Variants in INPP4B observed in about 807,000 individuals in gnomAD.
The protein encoded by INPP4B is inositol polyphosphate-4-phosphatase type II B.
In INPP4B, 55 loss-of-function variants were observed where a neutral mutation model predicts 122.5. The observed-to-expected ratio is 0.45, with a 90% CI of 0.36 to 0.56. The LOEUF is 0.56. Among genes scored for constraint, INPP4B ranks in the 20% least tolerant of loss-of-function variants. The pLI is 0.00. For missense variants in INPP4B, 1,000 were observed against 1,097.7 expected, an observed-to-expected ratio of 0.91 and a Z score of 1.26; for synonymous variants, 403 against 388.7, an observed-to-expected ratio of 1.04 and a Z score of -0.43.
chr4:142,656,214 T>C (rs1276064355), intron 2 of INPP4B, among the ~76,000 whole-genome samples: 1 of 152,130 alleles, frequency 6.6e-6, no homozygotes, highest in African/African-American at 2.4e-5. Flanking sequence ...TTTGCCCACT[T>C]TTCTCCATTC....
intron 7 of INPP4B, among the ~76,000 whole-genome samples, chr4:142,360,738 C>T (rs1298431542): frequency 1.3e-5 from 2 of 151,802 alleles, no homozygotes; most frequent in African/African-American, 4.8e-5. Context: ...GTTATGGTGA[C>T]TACAATGATG....
At chr4:142,657,394 TG>T (rs1754355194) in intron 2 of INPP4B, among the ~76,000 whole-genome samples, 1 of 152,196 alleles carries the variant, frequency 6.6e-6, no homozygotes, top group South Asian at 2.1e-4. Context: ...TGGTAAGGTG[TG>T]GACATATGGA....
chr4:142,301,668 A>G (rs17015870), intron 9 of INPP4B, among the ~76,000 whole-genome samples: 19,485 of 152,142 alleles, frequency 0.13, 2,571 homozygotes, highest in African/African-American at 0.33. Flanking sequence ...ATGGGAAAAT[A>G]TTAACTCTAC....
At chr4:142,388,918 C>G (rs998797648) in intron 7 of INPP4B, among the ~76,000 whole-genome samples, 1 of 152,064 alleles carries the variant, frequency 6.6e-6, no homozygotes, top group African/African-American at 2.4e-5. Context: ...TTTCCTAAGC[C>G]TGTGTTTCCA....
At position 142,606,263 on chromosome 4, in the gene INPP4B, G is replaced by T. The variant is rs556447365; in HGVS notation, c.-191+119576C>A. On this transcript the variant is annotated intron_variant, in intron 2 of 25. Coordinates refer to ENST00000262992, the MANE Select transcript of INPP4B (RefSeq NM_001101669.3). ...TCAGAGACTGGGAAGGGTGGGGAAG[G>T]GATATATGAAGGGAGGTCAGTTATG... 3.3e-5 allele frequency among the ~76,000 whole-genome samples: 5 copies of T among 151,836 alleles called. No individual in the cohort carries two copies. The South Asian group carries it at 1.0e-3, about 32-fold the overall frequency.
At position 142,202,878 on chromosome 4, in the gene INPP4B, G is replaced by A. The variant is rs1012409586; in HGVS notation, c.1072+5547C>T. 3.8e-5 allele frequency: 21 copies of A among 558,328 alleles called. No individual in the cohort carries two copies. In the African/African-American group the frequency reaches 4.1e-4, roughly 11 times the overall value. 34.6% of individuals were successfully genotyped at this position (558,328 alleles called of 1,614,324 possible). A position where few individuals can be genotyped will look rare whatever the true frequency, so the allele number is the denominator to read the frequency against. ...ATTCATTCCCTGTGGGCTCAAATCA[G>A]GAACTGAAAAGCCATGAGAGACTAT... On this transcript the variant is annotated intron_variant, in intron 14 of 25. Transcript: ENST00000262992.
intron 23 of INPP4B, among the ~76,000 whole-genome samples, chr4:142,087,436 G>A (rs1038587722): frequency 6.6e-6 from 1 of 152,142 alleles, no homozygotes; most frequent in Admixed American, 6.5e-5. Context: ...ATGTCCCCAA[G>A]ACTTGGTGAG....
At chr4:142,618,526 C>A (rs773717082) in intron 2 of INPP4B, among the ~76,000 whole-genome samples, 1 of 151,976 alleles carries the variant, frequency 6.6e-6, no homozygotes, top group Non-Finnish European at 1.5e-5. Context: ...AAACTAGATA[C>A]CCACATGCAA....
At chr4:142,557,236 C>T (rs775590670) in intron 2 of INPP4B, among the ~76,000 whole-genome samples, 2 of 151,966 alleles carry the variant, frequency 1.3e-5, no homozygotes, top group South Asian at 4.2e-4. Context: ...GAGAGGAGAA[C>T]ATAAAGAATG....
At chr4:142,831,248 A>T (rs902488764) in intron 1 of INPP4B, among the ~76,000 whole-genome samples, 1 of 152,172 alleles carries the variant, frequency 6.6e-6, no homozygotes, top group Non-Finnish European at 1.5e-5. Context: ...ACTGCCATGT[A>T]GATAGTTATT....
intron 10 of INPP4B, among the ~76,000 whole-genome samples, chr4:142,263,377 T>G (rs1006048368): frequency 6.6e-6 from 1 of 152,102 alleles, no homozygotes; most frequent in Non-Finnish European, 1.5e-5. Context: ...TCCACAGTCC[T>G]ACACTCTTCA....
intron 3 of INPP4B, among the ~76,000 whole-genome samples, chr4:142,441,058 A>T (rs766486338): frequency 1.3e-5 from 2 of 152,208 alleles, no homozygotes; most frequent in African/African-American, 2.4e-5. Flanking sequence ...CTTGAAGGCC[A>T]GGCTAGAGAG....
intron 9 of INPP4B, among the ~76,000 whole-genome samples, chr4:142,278,395 T>C (rs1338805255): frequency 3.3e-5 from 5 of 151,960 alleles, no homozygotes; most frequent in Admixed American, 6.6e-5. Flanking sequence ...TTCTGACTCA[T>C]GGGCAGGAAA....
At chr4:142,526,883 G>A (rs1311930869) in intron 2 of INPP4B, among the ~76,000 whole-genome samples, 1 of 151,910 alleles carries the variant, frequency 6.6e-6, no homozygotes, top group Non-Finnish European at 1.5e-5. Flanking sequence ...CGTGTTTAAC[G>A]ATATAGACAA....
At chr4:142,215,787 G>C in intron 12 of INPP4B, among the ~76,000 whole-genome samples, 1 of 151,272 alleles carries the variant, frequency 6.6e-6, no homozygotes, top group Non-Finnish European at 1.5e-5. Flanking sequence ...CAGCTACTCG[G>C]GAGGCTGAGG....
intron 7 of INPP4B, among the ~76,000 whole-genome samples, chr4:142,399,113 C>G (rs931703525): frequency 2.0e-5 from 3 of 150,938 alleles, no homozygotes; most frequent in African/African-American, 7.3e-5. Context: ...TCCACAGCAC[C>G]ATGTTGCATG....
At chr4:142,632,144 G>T (rs1317759150) in intron 2 of INPP4B, among the ~76,000 whole-genome samples, 1 of 152,114 alleles carries the variant, frequency 6.6e-6, no homozygotes, top group Admixed American at 6.6e-5. Flanking sequence ...AAATTAAGTA[G>T]AATTAGGAGG....
At chr4:142,382,588 TAC>T (rs1794530615) in intron 7 of INPP4B, among the ~76,000 whole-genome samples, 5 of 141,858 alleles carry the variant, frequency 3.5e-5, no homozygotes, top group East Asian at 2.0e-4. Flanking sequence ...ATTATATATA[TAC>T]TATAAATATA....
intron 2 of INPP4B, among the ~76,000 whole-genome samples, chr4:142,483,074 G>A (rs1820755759): frequency 6.6e-6 from 1 of 151,054 alleles, no homozygotes; most frequent in African/African-American, 2.4e-5. Context: ...CCCAAAATAA[G>A]GAGTCTGCAA....
Sources: gnomAD v4.1 joint callset for allele counts (sites outside exome capture counted in the v4.1 genomes callset) on GRCh38, gnomAD v4.1.1 for gene constraint, MANE v1.5 for transcripts, NCBI Gene and HGNC (gene_info 2026-07-23, HGNC 2026-07-21) for gene names.